The following CNTNAP2 variants were observed in gnomAD, a reference collection of about 807,000 sequenced individuals.
The protein encoded by CNTNAP2 is contactin-associated protein-like 2.
In CNTNAP2, 98 loss-of-function variants were observed where a neutral mutation model predicts 155.2. That is an observed-to-expected ratio of 0.63 (90% confidence interval 0.54 to 0.75). The LOEUF is 0.75. CNTNAP2 is among the 30% of genes least tolerant of loss of function. The pLI is 0.00. For synonymous variants in CNTNAP2, 651 were observed against 631.2 expected (o/e 1.03, Z -0.47); for missense variants, 1,727 against 1,688.1 (o/e 1.02, Z -0.40).
chr7:148,385,741 T>G (rs1799177688), intron 22 of CNTNAP2, among the ~76,000 whole-genome samples: 1 of 59,704 alleles, frequency 1.7e-5, no homozygotes, highest in Admixed American at 1.3e-4. Flanking sequence ...GACAGGTTTT[T>G]TTTTTTTTTT....
chr7:147,442,145 G>C (rs1030856354), intron 10 of CNTNAP2, among the ~76,000 whole-genome samples: 1 of 152,108 alleles, frequency 6.6e-6, no homozygotes. Context: ...CTGTGAGCCA[G>C]GGACTAGAGT....
intron 3 of CNTNAP2, among the ~76,000 whole-genome samples, chr7:146,960,244 T>C (rs1197631977): frequency 6.6e-6 from 1 of 152,232 alleles, no homozygotes; most frequent in East Asian, 1.9e-4. Flanking sequence ...AGGTCCAAAA[T>C]GCACATCTTT....
At chr7:148,271,412 G>T (rs1280304404) in intron 21 of CNTNAP2, among the ~76,000 whole-genome samples, 1 of 152,122 alleles carries the variant, frequency 6.6e-6, no homozygotes, top group Non-Finnish European at 1.5e-5. Context: ...AACCAAAAAT[G>T]TCTTCTAACA....
chr7:147,133,746 A>C (rs1432342299), intron 8 of CNTNAP2, among the ~76,000 whole-genome samples: 1 of 152,050 alleles, frequency 6.6e-6, no homozygotes, highest in Admixed American at 6.6e-5. Flanking sequence ...TGTATGGTCT[A>C]TTACTGAAAA....
At chr7:146,256,152 G>C (rs113660579) in intron 1 of CNTNAP2, among the ~76,000 whole-genome samples, 6,304 of 152,206 alleles carry the variant, frequency 0.041, 399 homozygotes, top group African/African-American at 0.14. Context: ...TTGGGTCATA[G>C]GTCTTCCTGG....
intron 4 of CNTNAP2, among the ~76,000 whole-genome samples, chr7:147,060,939 G>A (rs533252566): frequency 2.0e-5 from 3 of 152,122 alleles, no homozygotes; most frequent in African/African-American, 7.2e-5. Flanking sequence ...TTTCTGAGAT[G>A]TAGTATTATG....
chr7:146,497,916 C>CTT (rs1554441247), intron 1 of CNTNAP2, among the ~76,000 whole-genome samples: 1 of 148,706 alleles, frequency 6.7e-6, no homozygotes, highest in East Asian at 2.0e-4. Flanking sequence ...CATATATAAA[C>CTT]ATATATTCTA....
intron 1 of CNTNAP2, among the ~76,000 whole-genome samples, chr7:146,566,218 T>C (rs1237095508): frequency 6.6e-6 from 1 of 152,204 alleles, no homozygotes. Flanking sequence ...AGTGAATGCA[T>C]AGCAATAAAT....
chr7:147,055,320 C>A lies in CNTNAP2; in HGVS notation c.550+11266C>A, dbSNP rs549195586. On this transcript the variant is annotated intron_variant, in intron 4 of 23. Transcript: ENST00000361727. ...GAGATGCTTCATAACCGAAATGCTT[C>A]TGCGTGAGGCAATAAACTGCATAGC... 3.9e-5 allele frequency among the ~76,000 whole-genome samples: 6 copies of A among 152,346 alleles called. No individual in the cohort carries two copies. The South Asian group carries it at 1.2e-3, about 32-fold the overall frequency.
intron 8 of CNTNAP2, among the ~76,000 whole-genome samples, chr7:147,281,997 C>T (rs1367603347): frequency 6.6e-6 from 1 of 151,854 alleles, no homozygotes; most frequent in Non-Finnish European, 1.5e-5. Flanking sequence ...GACAGGACCT[C>T]CATCTTCCAA....
At chr7:147,106,151 A>G (rs10240944) in intron 4 of CNTNAP2, among the ~76,000 whole-genome samples, 10,822 of 152,106 alleles carry the variant, frequency 0.071, 1,101 homozygotes, top group African/African-American at 0.23. Flanking sequence ...ATTTTATGTC[A>G]ATTAAAATAT....
chr7:147,431,116 G>A (rs936792563), intron 10 of CNTNAP2, among the ~76,000 whole-genome samples: 3 of 151,776 alleles, frequency 2.0e-5, no homozygotes, highest in Middle Eastern at 3.2e-3. Context: ...TAGGAGAAGC[G>A]CAGGTCATAT....
At chr7:148,119,256 G>T (rs1005276684) in intron 16 of CNTNAP2, among the ~76,000 whole-genome samples, 2 of 152,008 alleles carry the variant, frequency 1.3e-5, no homozygotes, top group African/African-American at 4.8e-5. Context: ...AGGCACGGTG[G>T]CTCACGCCTG....
intron 21 of CNTNAP2, among the ~76,000 whole-genome samples, chr7:148,287,023 T>C (rs1045162027): frequency 6.6e-6 from 1 of 152,306 alleles, no homozygotes; most frequent in Admixed American, 6.5e-5. Flanking sequence ...TACAGTATCA[T>C]AGAGAGTGGT....
chr7:146,494,268 A>G (rs1391187599), intron 1 of CNTNAP2, among the ~76,000 whole-genome samples: 11 of 152,040 alleles, frequency 7.2e-5, no homozygotes, highest in Non-Finnish European at 1.3e-4. Flanking sequence ...CGGGAGGCGG[A>G]GTTTGTAGTG....
chr7:148,018,495 C>G lies in CNTNAP2; in HGVS notation c.2383+40506C>G, dbSNP rs569360053. ...AAGTACTAACAGCTAAGGGGAAAAA[C>G]TCACACAATGAACCAGAAGTGTATG... On this transcript the variant is annotated intron_variant, in intron 15 of 23. Coordinates refer to ENST00000361727, the MANE Select transcript of CNTNAP2 (RefSeq NM_014141.6). Among the ~76,000 whole-genome samples the G allele has an allele frequency of 7.2e-5, 11 of 152,288 alleles. No individual in the cohort carries two copies. In the East Asian group the frequency reaches 2.1e-3, roughly 29 times the overall value.
At chr7:147,615,385 G>A (rs1045925004) in intron 12 of CNTNAP2, among the ~76,000 whole-genome samples, 9 of 149,994 alleles carry the variant, frequency 6.0e-5, no homozygotes, top group African/African-American at 2.2e-4. Flanking sequence ...GGTGGCTGAG[G>A]CAGGAGGAGT....
intron 18 of CNTNAP2, chr7:148,190,696 A>C (rs1795190690): frequency 6.6e-6 from 1 of 152,068 alleles, no homozygotes; most frequent in African/African-American, 2.4e-5. Flanking sequence ...CCAAGTCTTA[A>C]GGCCACAGAA....
At chr7:147,261,884 G>A (rs781266742) in intron 8 of CNTNAP2, among the ~76,000 whole-genome samples, 2 of 152,088 alleles carry the variant, frequency 1.3e-5, no homozygotes, top group Non-Finnish European at 2.9e-5. Flanking sequence ...AAGTAAAACT[G>A]GTTATTTGCT....
Sources: gnomAD v4.1 joint callset for allele counts (sites outside exome capture counted in the v4.1 genomes callset) on GRCh38, gnomAD v4.1.1 for gene constraint, MANE v1.5 for transcripts, NCBI Gene and HGNC (gene_info 2026-07-23, HGNC 2026-07-21) for gene names.